SLCO5A1: variants seen among roughly 807,000 people sequenced by gnomAD.
The protein encoded by SLCO5A1 is organic anion transporter polypeptide-related protein 4.
A neutral mutation model predicts 65.1 loss-of-function variants in SLCO5A1; 39 were observed. The observed-to-expected ratio is 0.60, with a 90% CI of 0.46 to 0.78. The LOEUF is 0.78. Ranked by LOEUF, SLCO5A1 falls within the 30% of genes least tolerant of loss-of-function variation. SLCO5A1 has a pLI of 0.00. For missense variants in SLCO5A1, 1,029 were observed against 1,069.4 expected, an observed-to-expected ratio of 0.96 and a Z score of 0.53; for synonymous variants, 438 against 415.7, an observed-to-expected ratio of 1.05 and a Z score of -0.65.
chr8:69,723,625 G>C (rs1457479005), intron 5 of SLCO5A1, among the ~76,000 whole-genome samples: 1 of 152,064 alleles, frequency 6.6e-6, no homozygotes, highest in Non-Finnish European at 1.5e-5. Flanking sequence ...TTTGAGGTGA[G>C]AGGAAAAGGT....
chr8:69,673,069 TCTCA>T lies in SLCO5A1; in HGVS notation c.2343_2346del (p.Ser781ArgfsTer48), dbSNP rs749690824. 45 of 1,614,120 alleles carry T rather than the reference TCTCA, an allele frequency of 2.8e-5. No homozygotes were observed. In the Admixed American group the frequency reaches 6.3e-4, roughly 23 times the overall value. On this transcript the variant is annotated frameshift_variant, in exon 10 of 10. Transcript: ENST00000260126. LOFTEE classifies it high-confidence loss of function. ...CGGGCATTGTCGGGGTGTCCCACTC[TCTCA>T]CTCACGGTGCTCAGGGGAAATTCTC...
chr8:69,767,194 T>C (rs1299743951), intron 2 of SLCO5A1, among the ~76,000 whole-genome samples: 4 of 152,284 alleles, frequency 2.6e-5, no homozygotes, highest in Non-Finnish European at 4.4e-5. Flanking sequence ...CTGCACCCCA[T>C]TGGATTATCT....
intron 7 of SLCO5A1, among the ~76,000 whole-genome samples, chr8:69,681,910 A>G (rs945738369): frequency 1.3e-5 from 2 of 152,170 alleles, no homozygotes; most frequent in Non-Finnish European, 2.9e-5. Flanking sequence ...GCTCAACCTT[A>G]TCAAGTTTCA....
At chr8:69,762,690 A>T (rs150443544) in intron 2 of SLCO5A1, among the ~76,000 whole-genome samples, 5 of 152,302 alleles carry the variant, frequency 3.3e-5, no homozygotes, top group African/African-American at 1.2e-4. Flanking sequence ...GGAATTTAAG[A>T]CCAGATTTTG....
intron 2 of SLCO5A1, chr8:69,794,685 CT>C: frequency 3.2e-6 from 1 of 314,172 alleles, no homozygotes. Context: ...TGCCTTTGTC[CT>C]TCAAAAAGGT....
intron 3 of SLCO5A1, among the ~76,000 whole-genome samples, chr8:69,757,790 CTAT>C (rs1817594267): frequency 1.8e-3 from 1 of 570 alleles, no homozygotes; most frequent in Non-Finnish European, 3.4e-3. Context: ...CCATCAGGCA[CTAT>C]CAGGCACTGC....
intron 2 of SLCO5A1, among the ~76,000 whole-genome samples, chr8:69,801,170 C>A (rs1046756109): frequency 1.3e-5 from 2 of 152,170 alleles, no homozygotes; most frequent in Non-Finnish European, 2.9e-5. Flanking sequence ...CATCCTAAGT[C>A]CTCAGAACCC....
At chr8:69,785,542 A>AG (rs1819014083) in intron 2 of SLCO5A1, among the ~76,000 whole-genome samples, 1 of 152,224 alleles carries the variant, frequency 6.6e-6, no homozygotes, top group East Asian at 1.9e-4. Context: ...TTCTAAACAC[A>AG]ATAGTAAATC....
chr8:69,741,137 G>A (rs1032329416), intron 4 of SLCO5A1, among the ~76,000 whole-genome samples: 6 of 152,184 alleles, frequency 3.9e-5, no homozygotes, highest in East Asian at 3.9e-4. Flanking sequence ...TTGCATTTTT[G>A]TACTTTTTGT....
At chr8:69,760,542 T>C (rs1235522686) in intron 3 of SLCO5A1, among the ~76,000 whole-genome samples, 1 of 152,202 alleles carries the variant, frequency 6.6e-6, no homozygotes, top group Admixed American at 6.6e-5. Flanking sequence ...GTAATTACTT[T>C]CTCCATGTGT....
intron 2 of SLCO5A1, among the ~76,000 whole-genome samples, chr8:69,767,259 A>G (rs985598981): frequency 6.6e-6 from 1 of 152,176 alleles, no homozygotes; most frequent in Non-Finnish European, 1.5e-5. Context: ...CATTCCATTC[A>G]TCTGAGATTA....
At chr8:69,722,914 A>T (rs1335878152) in intron 5 of SLCO5A1, among the ~76,000 whole-genome samples, 12 of 152,134 alleles carry the variant, frequency 7.9e-5, no homozygotes, top group Non-Finnish European at 1.3e-4. Context: ...TGAGGCAGTG[A>T]CTGACTATTC....
chr8:69,806,143 A>G (rs768423693), intron 2 of SLCO5A1, among the ~76,000 whole-genome samples: 15 of 152,226 alleles, frequency 9.9e-5, no homozygotes, highest in Admixed American at 7.9e-4. Flanking sequence ...ATGTTCACAC[A>G]TGTGTAAACT....
chr8:69,680,722 C>G (rs2130788123), intron 7 of SLCO5A1, among the ~76,000 whole-genome samples: 1 of 152,278 alleles, frequency 6.6e-6, no homozygotes, highest in East Asian at 1.9e-4. Context: ...TCCACGGTGT[C>G]TAAGTTAATA....
At chr8:69,724,129 A>G (rs1429939151) in intron 5 of SLCO5A1, among the ~76,000 whole-genome samples, 2 of 152,204 alleles carry the variant, frequency 1.3e-5, no homozygotes, top group African/African-American at 4.8e-5. Flanking sequence ...ATACTACAAT[A>G]TGTAAGCATT....
chr8:69,807,683 C>A (rs1820054858), intron 2 of SLCO5A1, among the ~76,000 whole-genome samples: 1 of 152,102 alleles, frequency 6.6e-6, no homozygotes, highest in African/African-American at 2.4e-5. Flanking sequence ...TCGCAAATGA[C>A]AGAATTTCCT....
chr8:69,828,763 G>A (rs1393362646), intron 2 of SLCO5A1, among the ~76,000 whole-genome samples: 1 of 152,066 alleles, frequency 6.6e-6, no homozygotes, highest in Non-Finnish European at 1.5e-5. Context: ...CTCACTTTTG[G>A]TCTTCCCAAA....
intron 5 of SLCO5A1, among the ~76,000 whole-genome samples, chr8:69,711,753 A>T (rs1815274817): frequency 6.6e-6 from 1 of 152,238 alleles, no homozygotes; most frequent in Non-Finnish European, 1.5e-5. Flanking sequence ...AATGTGGATT[A>T]TAATAGTATA....
At chr8:69,759,929 G>A (rs1381714006) in intron 3 of SLCO5A1, among the ~76,000 whole-genome samples, 4 of 152,200 alleles carry the variant, frequency 2.6e-5, no homozygotes, top group Non-Finnish European at 5.9e-5. Flanking sequence ...TTACAGGCAT[G>A]AGCCACCTTA....
Sources: allele counts gnomAD v4.1 joint callset (sites outside exome capture counted in the v4.1 genomes callset), GRCh38; gene constraint gnomAD v4.1.1; transcripts MANE v1.5; gene names NCBI Gene and HGNC (gene_info 2026-07-23, HGNC 2026-07-21).